GALNT13: variants seen among roughly 807,000 people sequenced by gnomAD.
GALNT13 encodes the protein UDP-GalNAc:polypeptide N-acetylgalactosaminyltransferase 13.
Under a neutral mutation model 64.2 loss-of-function variants are expected in GALNT13, and 28 were observed. The ratio of observed to expected loss-of-function variants is 0.44; its 90% CI spans 0.32 to 0.60. The LOEUF (loss-of-function observed/expected upper bound fraction) is 0.60. GALNT13 is among the 20% of genes least tolerant of loss of function. The pLI, the probability that GALNT13 is intolerant of heterozygous loss-of-function variation, is 0.05. For missense variants in GALNT13, 577 were observed against 669.8 expected (o/e 0.86, Z 1.53); for synonymous variants, 214 against 224.6 (o/e 0.95, Z 0.42).
chr2:153,730,164 G>A, the GALNT13 span, among the ~76,000 whole-genome samples: 1 of 151,950 alleles, frequency 6.6e-6, no homozygotes, highest in Non-Finnish European at 1.5e-5. Context: ...AGCAAAGTGG[G>A]AGGCATCACA....
At chr2:154,365,876 G>A (rs1449207419) in intron 9 of GALNT13, among the ~76,000 whole-genome samples, 2 of 152,160 alleles carry the variant, frequency 1.3e-5, no homozygotes, top group Non-Finnish European at 2.9e-5. Context: ...AGAGTAATAA[G>A]TATTTTCCTC....
chr2:154,102,762 C>T (rs1053279185), intron 3 of GALNT13, among the ~76,000 whole-genome samples: 1 of 152,198 alleles, frequency 6.6e-6, no homozygotes, highest in Admixed American at 6.5e-5. Context: ...TATTGTCTTG[C>T]TGTCTCTTTT....
the GALNT13 span, among the ~76,000 whole-genome samples, chr2:153,603,663 G>A: frequency 6.6e-6 from 1 of 151,956 alleles, no homozygotes; most frequent in Non-Finnish European, 1.5e-5. Flanking sequence ...TTAGCACAGA[G>A]AGGAATGTGT....
At chr2:153,246,721 A>G in the GALNT13 span, among the ~76,000 whole-genome samples, 17 of 152,178 alleles carry the variant, frequency 1.1e-4, no homozygotes, top group African/African-American at 4.1e-4. Flanking sequence ...CAATGACACC[A>G]TAAAGAAACT....
intron 3 of GALNT13, among the ~76,000 whole-genome samples, chr2:154,082,185 T>C: frequency 6.6e-6 from 1 of 151,696 alleles, no homozygotes; most frequent in South Asian, 2.1e-4. Flanking sequence ...AATTTTGTTT[T>C]CATCTTAAAC....
At chr2:154,325,554 T>C (rs1694834251) in intron 9 of GALNT13, among the ~76,000 whole-genome samples, 1 of 152,144 alleles carries the variant, frequency 6.6e-6, no homozygotes, top group Non-Finnish European at 1.5e-5. Context: ...TAATCATGTG[T>C]CCCCCTAATT....
At chr2:153,874,806 C>CTTGAATTTG (rs1686245091) in intron 1 of GALNT13, among the ~76,000 whole-genome samples, 1 of 152,008 alleles carries the variant, frequency 6.6e-6, no homozygotes, top group South Asian at 2.1e-4. Context: ...CATGTTATTG[C>CTTGAATTTG]TTGAATTTGC....
chr2:154,421,539 G>A (rs968687679), intron 11 of GALNT13, among the ~76,000 whole-genome samples: 1 of 151,904 alleles, frequency 6.6e-6, no homozygotes, highest in Admixed American at 6.6e-5. Flanking sequence ...AAAGGAATTG[G>A]ATCTGAGATA....
At chr2:154,455,155 T>C (rs1479053098), downstream of GALNT13, among the ~76,000 whole-genome samples, 2 of 152,194 alleles carry the variant, frequency 1.3e-5, no homozygotes, top group African/African-American at 2.4e-5. Context: ...GAACTGTTTT[T>C]ACCTTTTTAA....
At chr2:154,245,104 A>T (rs1031476367) in intron 6 of GALNT13, among the ~76,000 whole-genome samples, 12 of 137,832 alleles carry the variant, frequency 8.7e-5, no homozygotes, top group Admixed American at 1.5e-4. Flanking sequence ...AGGCTCTGTC[A>T]AAATAAATAA....
intron 8 of GALNT13, chr2:154,286,957 A>T: frequency 7.4e-6 from 4 of 540,858 alleles, no homozygotes; most frequent in Non-Finnish European, 1.4e-5. Context: ...GCCATCCATC[A>T]CTACCAAGAC....
At chr2:153,432,348 G>A in the GALNT13 span, among the ~76,000 whole-genome samples, 2 of 152,098 alleles carry the variant, frequency 1.3e-5, no homozygotes, top group Non-Finnish European at 2.9e-5. Context: ...TTTAAGAAAT[G>A]GTCATAAGCA....
chr2:153,195,648 G>A, the GALNT13 span, among the ~76,000 whole-genome samples: 1 of 152,218 alleles, frequency 6.6e-6, no homozygotes, highest in African/African-American at 2.4e-5. Context: ...CACCCCAAAG[G>A]GCCACAGCTC....
chr2:154,225,175 TA>T (rs1370229699), intron 4 of GALNT13, among the ~76,000 whole-genome samples: 1 of 148,748 alleles, frequency 6.7e-6, no homozygotes, highest in Admixed American at 6.7e-5. Context: ...GATAGATAGA[TA>T]GATAGATAGA....
the GALNT13 span, among the ~76,000 whole-genome samples, chr2:153,695,392 T>C: frequency 6.6e-6 from 1 of 152,328 alleles, no homozygotes; most frequent in African/African-American, 2.4e-5. Context: ...CCTTTCTAAA[T>C]GTAAGTCTTT....
chr2:153,913,308 T>C (rs1005948920), intron 2 of GALNT13, among the ~76,000 whole-genome samples: 1 of 152,080 alleles, frequency 6.6e-6, no homozygotes, highest in African/African-American at 2.4e-5. Context: ...GCAGCATGCA[T>C]CCATGTCAAC....
chr2:154,268,744 A>G (rs1691161885), intron 8 of GALNT13, among the ~76,000 whole-genome samples: 1 of 152,124 alleles, frequency 6.6e-6, no homozygotes, highest in African/African-American at 2.4e-5. Flanking sequence ...GATTCTCAAT[A>G]TATCATAGTC....
chr2:153,784,814 G>C, the GALNT13 span, among the ~76,000 whole-genome samples: 65,088 of 152,082 alleles, frequency 0.43, 15,283 homozygotes, highest in African/African-American at 0.62. Context: ...CTACATTACA[G>C]CTCCCTGAGG....
intron 4 of GALNT13, among the ~76,000 whole-genome samples, chr2:154,213,224 T>C (rs968386168): frequency 6.6e-6 from 1 of 152,080 alleles, no homozygotes; most frequent in Non-Finnish European, 1.5e-5. Context: ...GGACTACTGG[T>C]GCATGCCACA....
Sources: gnomAD v4.1 joint callset for allele counts (sites outside exome capture counted in the v4.1 genomes callset) on GRCh38, gnomAD v4.1.1 for gene constraint, MANE v1.5 for transcripts, NCBI Gene and HGNC (gene_info 2026-07-23, HGNC 2026-07-21) for gene names.